Variants in GRIK2 observed in about 807,000 individuals in gnomAD.
The protein encoded by GRIK2 is glutamate ionotropic receptor kainate type subunit 2.
A neutral mutation model predicts 100.3 loss-of-function variants in GRIK2; 32 were observed. The ratio of observed to expected loss-of-function variants is 0.32; its 90% CI spans 0.24 to 0.43. The LOEUF is 0.43. Ranked by LOEUF, GRIK2 falls within the 20% of genes least tolerant of loss-of-function variation. GRIK2 has a pLI of 1.00. For synonymous variants in GRIK2, 417 were observed against 389.4 expected (o/e 1.07, Z -0.83); for missense variants, 843 against 1,114.9 (o/e 0.76, Z 3.47).
intron 7 of GRIK2, among the ~76,000 whole-genome samples, chr6:101,746,679 T>C (rs1477247640): frequency 6.6e-6 from 1 of 152,282 alleles, no homozygotes; most frequent in African/African-American, 2.4e-5. Context: ...ACCCATTTTC[T>C]TCTTCAAATT....
At chr6:101,482,711 TAGG>T (rs886363995) in intron 2 of GRIK2, among the ~76,000 whole-genome samples, 19 of 151,884 alleles carry the variant, frequency 1.3e-4, no homozygotes, top group South Asian at 6.3e-4. Flanking sequence ...AGATAAGAAA[TAGG>T]AGGCCTGAAT....
intron 4 of GRIK2, among the ~76,000 whole-genome samples, chr6:101,670,641 C>T (rs544993318): frequency 1.4e-4 from 22 of 152,204 alleles, no homozygotes; most frequent in South Asian, 1.2e-3. Flanking sequence ...AACTATATAA[C>T]GCCTTTCCTT....
intron 2 of GRIK2, among the ~76,000 whole-genome samples, chr6:101,579,799 C>T (rs1014775623): frequency 4.0e-5 from 6 of 149,966 alleles, no homozygotes; most frequent in Admixed American, 1.3e-4. Context: ...TGCAGTGAGC[C>T]GAGATCATGC....
chr6:101,634,108 T>G (rs960274065), intron 4 of GRIK2, among the ~76,000 whole-genome samples: 1 of 152,056 alleles, frequency 6.6e-6, no homozygotes, highest in East Asian at 1.9e-4. Flanking sequence ...ATATGAGATA[T>G]GGAGAGCAAT....
intron 2 of GRIK2, among the ~76,000 whole-genome samples, chr6:101,546,830 TTTTTTTTTTTTTTTTTTG>T (rs1218576217): frequency 4.4e-5 from 4 of 90,862 alleles, no homozygotes; most frequent in Admixed American, 1.0e-4. Flanking sequence ...TTTTTTTTTT[TTTTTTTTTTTTTTTTTTG>T]GAGACGGAGT....
intron 7 of GRIK2, among the ~76,000 whole-genome samples, chr6:101,748,710 G>C (rs762119704): frequency 1.3e-5 from 2 of 151,892 alleles, no homozygotes; most frequent in African/African-American, 4.8e-5. Flanking sequence ...GAGACTATTC[G>C]CCAGGACAAT....
At chr6:101,591,966 A>T (rs1778665005) in intron 2 of GRIK2, among the ~76,000 whole-genome samples, 1 of 152,040 alleles carries the variant, frequency 6.6e-6, no homozygotes, top group Admixed American at 6.6e-5. Flanking sequence ...CAGATTCCTC[A>T]TGAATGGCTT....
chr6:101,910,484 T>G (rs534704152), intron 12 of GRIK2, among the ~76,000 whole-genome samples: 1 of 151,398 alleles, frequency 6.6e-6, no homozygotes, highest in South Asian at 2.1e-4. Flanking sequence ...AGAAGCCAAA[T>G]AGTTAAATAT....
At chr6:101,458,193 C>CT (rs200485182) in intron 2 of GRIK2, among the ~76,000 whole-genome samples, 16 of 147,048 alleles carry the variant, frequency 1.1e-4, no homozygotes, top group African/African-American at 1.0e-4. Flanking sequence ...GAGAAGGGAT[C>CT]TTTTTTTTTT....
intron 2 of GRIK2, among the ~76,000 whole-genome samples, chr6:101,596,812 A>G (rs1369521132): frequency 1.3e-5 from 2 of 151,764 alleles, no homozygotes; most frequent in African/African-American, 4.8e-5. Flanking sequence ...TAGCCAAAGT[A>G]GGTAACTCTT....
At chr6:101,725,438 T>C (rs1199459779) in intron 7 of GRIK2, among the ~76,000 whole-genome samples, 1 of 152,068 alleles carries the variant, frequency 6.6e-6, no homozygotes. Context: ...GAAGAAGATA[T>C]TATTCAAATG....
intron 4 of GRIK2, among the ~76,000 whole-genome samples, chr6:101,672,404 ACT>A (rs1165106544): frequency 6.6e-6 from 1 of 151,860 alleles, no homozygotes; most frequent in East Asian, 1.9e-4. Context: ...AACTTCCCAG[ACT>A]CTGATCTCTT....
chr6:101,561,286 G>A (rs976694397), intron 2 of GRIK2, among the ~76,000 whole-genome samples: 3 of 151,782 alleles, frequency 2.0e-5, no homozygotes, highest in South Asian at 2.1e-4. Flanking sequence ...TCCAGTCCAA[G>A]AAAAATCATG....
At chr6:101,401,006 A>G (rs1322814198) in intron 2 of GRIK2, among the ~76,000 whole-genome samples, 1 of 152,206 alleles carries the variant, frequency 6.6e-6, no homozygotes, top group Admixed American at 6.5e-5. Context: ...GTGTGTGTGC[A>G]TGTGTGTTTT....
intron 10 of GRIK2, among the ~76,000 whole-genome samples, chr6:101,829,777 G>T (rs1267929593): frequency 6.6e-6 from 1 of 151,744 alleles, no homozygotes; most frequent in African/African-American, 2.4e-5. Flanking sequence ...ACAAATAAAT[G>T]GAAAAGCATT....
chr6:101,757,881 TC>T (rs1372227555), intron 7 of GRIK2, among the ~76,000 whole-genome samples: 2 of 152,276 alleles, frequency 1.3e-5, no homozygotes, highest in Non-Finnish European at 2.9e-5. Flanking sequence ...GTAGTTTTTT[TC>T]TGCTTAGAAT....
At chr6:101,959,820 T>G (rs1792170465) in intron 14 of GRIK2, among the ~76,000 whole-genome samples, 1 of 152,094 alleles carries the variant, frequency 6.6e-6, no homozygotes, top group African/African-American at 2.4e-5. Context: ...TTGGATAACC[T>G]AATAACTATA....
intron 14 of GRIK2, among the ~76,000 whole-genome samples, chr6:102,010,241 T>A (rs895250037): frequency 1.3e-5 from 2 of 152,100 alleles, no homozygotes; most frequent in African/African-American, 4.8e-5. Context: ...GATATTGTAT[T>A]TTTTGGGTTT....
intron 2 of GRIK2, among the ~76,000 whole-genome samples, chr6:101,520,652 G>A (rs186904154): frequency 7.1e-4 from 108 of 151,998 alleles, no homozygotes; most frequent in East Asian, 2.3e-3. Context: ...GGCATTGTGC[G>A]GCGACTTCTT....
Sources: gnomAD v4.1 joint callset for allele counts (sites outside exome capture counted in the v4.1 genomes callset) on GRCh38, gnomAD v4.1.1 for gene constraint, MANE v1.5 for transcripts, NCBI Gene and HGNC (gene_info 2026-07-23, HGNC 2026-07-21) for gene names.